Variants in TMEM171 observed in about 807,000 individuals in gnomAD.
TMEM171 encodes the protein proline-rich protein PRP2.
Under a neutral mutation model 19.1 loss-of-function variants are expected in TMEM171, and 16 were observed. That is an observed-to-expected ratio of 0.84 (90% CI 0.57 to 1.27). The LOEUF is 1.27. Among genes scored for constraint, TMEM171 ranks in the 50% most tolerant of loss-of-function variants. The pLI, the probability that TMEM171 is intolerant of heterozygous loss-of-function variation, is 0.00. For synonymous variants in TMEM171, 153 were observed against 163.4 expected, an observed-to-expected ratio of 0.94 and a Z score of 0.48; for missense variants, 429 against 412.7, an observed-to-expected ratio of 1.04 and a Z score of -0.34.
chr5:73,121,941 C>T (rs1268827559), intron 1 of TMEM171, among the ~76,000 whole-genome samples: 2 of 152,218 alleles, frequency 1.3e-5, no homozygotes, highest in Non-Finnish European at 2.9e-5. Flanking sequence ...CAGGACCTGA[C>T]TTACGGGGTC....
chr5:73,128,603 A>C (rs923466275), intron 3 of TMEM171, 72 bp downstream of exon 3: 1 of 1,547,006 alleles, frequency 6.5e-7, no homozygotes, highest in African/African-American at 1.4e-5. Context: ...TGTGTGGTTC[A>C]CCAGGAGGCA....
At chr5:73,128,204 C>A (rs1245132539) in intron 2 of TMEM171, among the ~76,000 whole-genome samples, 186 bp from the exon 3 acceptor site, 1 of 152,186 alleles carries the variant, frequency 6.6e-6, no homozygotes, top group African/African-American at 2.4e-5. Context: ...CCCCTCCTAG[C>A]CCCTGGTAAC....
chr5:73,129,176 G>A (rs919609889), intron 3 of TMEM171, among the ~76,000 whole-genome samples: 7 of 152,136 alleles, frequency 4.6e-5, no homozygotes, highest in Non-Finnish European at 7.4e-5. Context: ...CCACAGGGTG[G>A]GAGCAAGCCT....
intron 2 of TMEM171, among the ~76,000 whole-genome samples, chr5:73,124,476 T>C (rs1744109909): frequency 6.6e-6 from 1 of 152,218 alleles, no homozygotes; most frequent in Admixed American, 6.5e-5. Context: ...TTGTAAGTCC[T>C]TAACCTCTCC....
chr5:73,125,595 AT>A (rs1744141312), intron 2 of TMEM171, among the ~76,000 whole-genome samples: 1 of 152,210 alleles, frequency 6.6e-6, no homozygotes, highest in African/African-American at 2.4e-5. Context: ...GCTCCCTTTA[AT>A]TTGATAGATG....
chr5:73,130,007 G>A (rs1268236186), intron 3 of TMEM171, among the ~76,000 whole-genome samples: 1 of 152,198 alleles, frequency 6.6e-6, no homozygotes, highest in Non-Finnish European at 1.5e-5. Context: ...CATTGAGGAA[G>A]AGGCGAAGAT....
Position 73,123,795 on chromosome 5 carries a change from C to T in TMEM171, c.422C>T (p.Ala141Val), listed in dbSNP as rs139450863. The change falls in exon 2 of 4, where the codon GCG becomes GTG. Residue 141 changes from alanine to valine, a missense_variant. By Grantham distance (64) the Ala-to-Val change is moderately conservative. Transcript: ENST00000454765. ...IWVPGCGSNW[A>V]QEPLNETDTG... ...GTCCCTGGATGTGGCTCCAACTGGG[C>T]GCAGGAACCGCTAAACGAGACAGAC... 585 of 1,612,426 alleles carry T rather than the reference C, an allele frequency of 3.6e-4. 1 individual carries two copies. The highest frequency in any genetic ancestry group is 3.8e-4 in the East Asian group (17 of 44,866).
intron 2 of TMEM171, among the ~76,000 whole-genome samples, chr5:73,124,579 C>A (rs1401635660): frequency 6.6e-6 from 1 of 152,206 alleles, no homozygotes; most frequent in Non-Finnish European, 1.5e-5. Context: ...CTGAGTCCAG[C>A]AGTCTCCAGG....
chr5:73,128,222 A>G (rs903707303), intron 2 of TMEM171, among the ~76,000 whole-genome samples, 168 bp from the exon 3 acceptor site: 1 of 152,024 alleles, frequency 6.6e-6, no homozygotes, highest in Admixed American at 6.6e-5. Flanking sequence ...AACCTAGTCT[A>G]CTTTTCTATC....
At chr5:73,127,407 A>ATATATATATAT (rs1364234564) in intron 2 of TMEM171, among the ~76,000 whole-genome samples, 6 of 137,072 alleles carry the variant, frequency 4.4e-5, no homozygotes, top group African/African-American at 1.1e-4. Flanking sequence ...ATATATATAT[A>ATATATATATAT]AAGCATAAAC....
In TMEM171 at chr5:73,120,771, C is replaced by T. The variant is rs1473011466; in HGVS notation, c.-69+75C>T. On this transcript the variant is annotated intron_variant, in intron 1 of 3. Coordinates refer to ENST00000454765, the MANE Select transcript of TMEM171 (RefSeq NM_173490.8). The stretch of plus-strand genomic sequence containing the variant: ...CTGAGCTGTGCGGCCAGGCTGGGCG[C>T]GGGGAGCCGCGGCAGCGCGGAGGCG... 12 of 982,196 alleles carry T rather than the reference C, an allele frequency of 1.2e-5. No homozygotes were observed. The East Asian group carries it at 9.1e-4, about 75-fold the overall frequency. The allele number at this position is 982,196 out of a possible 1,614,324, so 60.8% of individuals were successfully genotyped here. A position where few individuals can be genotyped will look rare whatever the true frequency, so the allele number is the denominator to read the frequency against.
At position 73,123,882 on chromosome 5, in the gene TMEM171, T is replaced by C. The variant is rs778733530; in HGVS notation, c.509T>C (p.Ile170Thr). ...FLSLQIMGPLIVLVGLCFFVV... is the reference protein window; with the variant it reads ...FLSLQIMGPLTVLVGLCFFVV... ...TCTCTGCAGATCATGGGGCCCTTGA[T>C]TGTGCTTGTGGGATTGTGTTTCTTC... Residue 170 changes from isoleucine (I) to threonine (T), a missense_variant, in exon 2 of 4, where the codon ATT (isoleucine) becomes ACT (threonine). Transcript: ENST00000454765. The C allele has an allele frequency of 2.2e-5, 36 of 1,613,904 alleles. 1 individual carries two copies. The highest frequency in any genetic ancestry group is 1.7e-4 in the Admixed American group (10 of 59,972).
At chr5:73,126,107 G>A (rs80142752) in intron 2 of TMEM171, among the ~76,000 whole-genome samples, 14 of 152,298 alleles carry the variant, frequency 9.2e-5, no homozygotes, top group East Asian at 1.9e-4. Flanking sequence ...GTGGGCAGGC[G>A]GAGCTGCTGG....
At chr5:73,122,876 C>A (rs753993591) in intron 1 of TMEM171, among the ~76,000 whole-genome samples, 23 of 152,198 alleles carry the variant, frequency 1.5e-4, no homozygotes, top group Non-Finnish European at 2.9e-4. Flanking sequence ...AAGTTAGTTA[C>A]TGAACTGACT....
chr5:73,128,042 G>A (rs1744226420), intron 2 of TMEM171, among the ~76,000 whole-genome samples: 1 of 152,118 alleles, frequency 6.6e-6, no homozygotes, highest in Non-Finnish European at 1.5e-5. Flanking sequence ...ACTGCACCCA[G>A]CCAAACCGTT....
chr5:73,126,948 T>C (rs604617), intron 2 of TMEM171, among the ~76,000 whole-genome samples: 86,578 of 151,962 alleles, frequency 0.57, 26,464 homozygotes, highest in African/African-American at 0.8. Flanking sequence ...CAAATTAGAG[T>C]TTGCATCTGG....
chr5:73,124,575 C>G (rs544379346), intron 2 of TMEM171, among the ~76,000 whole-genome samples: 1 of 152,310 alleles, frequency 6.6e-6, no homozygotes, highest in Middle Eastern at 3.4e-3. Flanking sequence ...CTGTCTGAGT[C>G]CAGCAGTCTC....
Position 73,126,747 on chromosome 5 carries a change from CA to C in TMEM171, c.641-1641del, listed in dbSNP as rs1401966837. ...TTAAAGAATCCTATGCCACCCTAAG[CA>C]AGCATCAGACATGCTAGGAGTGTGA... On this transcript the variant is annotated intron_variant, in intron 2 of 3. Coordinates refer to ENST00000454765, the MANE Select transcript of TMEM171 (RefSeq NM_173490.8). 1.2e-4 allele frequency among the ~76,000 whole-genome samples: 18 copies of C among 152,324 alleles called. No individual in the cohort carries two copies. The East Asian group carries it at 3.5e-3, about 29-fold the overall frequency.
intron 3 of TMEM171, among the ~76,000 whole-genome samples, chr5:73,129,020 GAGAC>G (rs1219938609): frequency 6.6e-6 from 1 of 152,204 alleles, no homozygotes; most frequent in African/African-American, 2.4e-5. Context: ...TTGAACGCAA[GAGAC>G]AGAGGTTGCA....
Sources: allele counts gnomAD v4.1 joint callset (sites outside exome capture counted in the v4.1 genomes callset), GRCh38; gene constraint gnomAD v4.1.1; transcripts MANE v1.5; gene names NCBI Gene and HGNC (gene_info 2026-07-23, HGNC 2026-07-21).